The following TTLL4 variants were observed in gnomAD, a reference collection of about 807,000 sequenced individuals.
TTLL4 encodes tubulin monoglutamylase TTLL4.
Under a neutral mutation model 122.7 loss-of-function variants are expected in TTLL4, and 85 were observed. The observed-to-expected ratio is 0.69, with a 90% CI of 0.58 to 0.83. TTLL4 has a LOEUF of 0.83. Among genes scored for constraint, TTLL4 ranks in the 40% least tolerant of loss-of-function variants. The probability of loss-of-function intolerance (pLI) is 0.00; values close to 1 mark genes in which losing one functional copy is unlikely to be tolerated. For missense variants in TTLL4, 1,363 were observed against 1,488.6 expected (o/e 0.92, Z 1.39); for synonymous variants, 553 against 563.0 (o/e 0.98, Z 0.25).
Position 218,746,129 on chromosome 2 carries a change from GC to G in TTLL4, c.1898-25del, listed in dbSNP as rs1942835740. 4 of 1,613,982 alleles carry G rather than the reference GC, an allele frequency of 2.5e-6. No homozygotes were observed. The East Asian group carries it at 8.9e-5, about 36-fold the overall frequency. On this transcript the variant is annotated intron_variant, in intron 7 of 19. Transcript: ENST00000392102. ...GTCCCTGGACTGAGCTGTTAGCAAG[GC>G]TGATTCCTGATGTACCTCCCATAGG... is the stretch of plus-strand genomic sequence containing the variant.
rs775980975 is a variant in TTLL4 at position 218,753,577 on chromosome 2, C to G, written c.3259-7C>G. ...CCTTTTGGTCTCATTGCTTCCTTTG[C>G]TCTTAGTGGTCTCTCCCGACATCAC... On this transcript the variant is annotated splice_region_variant and splice_polypyrimidine_tract_variant and intron_variant, in intron 18 of 19. Transcript: ENST00000392102. 1.4e-5 allele frequency: 22 copies of G among 1,613,922 alleles called. No homozygotes were observed. Among genetic ancestry groups the G allele is most frequent in the South Asian group, 2.2e-5 (2 of 91,090 alleles).
intron 16 of TTLL4, among the ~76,000 whole-genome samples, chr2:218,752,131 C>G (rs1220611697): frequency 6.6e-6 from 1 of 152,116 alleles, no homozygotes; most frequent in African/African-American, 2.4e-5. Context: ...TGGTCTCAAC[C>G]TCCCAACCTC....
intron 2 of TTLL4, among the ~76,000 whole-genome samples, chr2:218,731,135 G>A (rs1389002620): frequency 2.0e-5 from 3 of 151,860 alleles, no homozygotes; most frequent in African/African-American, 7.3e-5. Flanking sequence ...AATTGGCTGG[G>A]CACGGTGGCT....
At chr2:218,726,622 C>A (rs1201966932) in intron 1 of TTLL4, among the ~76,000 whole-genome samples, 1 of 151,816 alleles carries the variant, frequency 6.6e-6, no homozygotes, top group South Asian at 2.1e-4. Flanking sequence ...TGTGCCACCA[C>A]ATCCAGCTAA....
intron 2 of TTLL4, among the ~76,000 whole-genome samples, chr2:218,735,834 G>A (rs1443753042): frequency 6.6e-6 from 1 of 151,954 alleles, no homozygotes; most frequent in Non-Finnish European, 1.5e-5. Context: ...CTCCGTGCAT[G>A]GCTAATTTTT....
At chr2:218,723,599 G>C (rs1180760002) in intron 1 of TTLL4, among the ~76,000 whole-genome samples, 1 of 152,170 alleles carries the variant, frequency 6.6e-6, no homozygotes, top group East Asian at 1.9e-4. Context: ...GGAAATTGCA[G>C]AAGTGATGAT....
At chr2:218,722,045 G>T (rs1386855679) in intron 1 of TTLL4, among the ~76,000 whole-genome samples, 1 of 152,162 alleles carries the variant, frequency 6.6e-6, no homozygotes, top group Non-Finnish European at 1.5e-5. Flanking sequence ...ACTTTGGGAA[G>T]CTGAGGTGGG....
At chr2:218,728,481 G>A (rs536885171) in intron 2 of TTLL4, among the ~76,000 whole-genome samples, 2 of 152,318 alleles carry the variant, frequency 1.3e-5, no homozygotes, top group Admixed American at 6.5e-5. Context: ...GATCTCAGGT[G>A]GTAATGCTTA....
intron 1 of TTLL4, among the ~76,000 whole-genome samples, chr2:218,725,251 G>A (rs758184406): frequency 2.5e-4 from 38 of 152,120 alleles, no homozygotes; most frequent in Admixed American, 9.8e-4. Context: ...ACAGAATCTT[G>A]CTGTGTCCCC....
At chr2:218,728,151 G>A (rs997204394) in intron 2 of TTLL4, 5 of 139,110 alleles carry the variant, frequency 3.6e-5, no homozygotes, top group African/African-American at 1.3e-4. Context: ...TCCACTGACT[G>A]GGGTGGGTGG....
chr2:218,751,633 C>T (rs1943016097), intron 15 of TTLL4, 71 bp from the exon 16 acceptor site: 1 of 1,568,616 alleles, frequency 6.4e-7, no homozygotes, highest in Non-Finnish European at 8.6e-7. Context: ...TGGGCTGGAC[C>T]TCCTCCATAT....
chr2:218,744,239 CT>C (rs1365880626), intron 5 of TTLL4, among the ~76,000 whole-genome samples: 1 of 152,240 alleles, frequency 6.6e-6, no homozygotes, highest in Non-Finnish European at 1.5e-5. Flanking sequence ...GGTAAAGTGA[CT>C]TTTTTAAACT....
At chr2:218,756,595 C>G (rs1654971268), downstream of TTLL4, among the ~76,000 whole-genome samples, 1 of 152,122 alleles carries the variant, frequency 6.6e-6, no homozygotes, top group Non-Finnish European at 1.5e-5. Context: ...GGCATATATA[C>G]TTTTGTATTG....
At chr2:218,719,182 C>T (rs75001911) in intron 1 of TTLL4, among the ~76,000 whole-genome samples, 6,051 of 152,086 alleles carry the variant, frequency 0.04, 379 homozygotes, top group African/African-American at 0.14. Flanking sequence ...GGCAATATTG[C>T]TAATAGGAGG....
At chr2:218,746,378 G>A in intron 8 of TTLL4, 147 bp downstream of exon 8, 1 of 774,832 alleles carries the variant, frequency 1.3e-6, no homozygotes, top group Non-Finnish European at 2.1e-6. Flanking sequence ...GTACAGGACG[G>A]GGGTACAGTG....
chr2:218,726,152 C>G (rs75242643), intron 1 of TTLL4, among the ~76,000 whole-genome samples: 7,479 of 151,952 alleles, frequency 0.049, 536 homozygotes, highest in African/African-American at 0.16. Context: ...AAGACTATCT[C>G]TCATATTTGA....
rs1942889372 is a variant in TTLL4, at chr2:218,747,783, G to T, written c.2378+58G>T. On this transcript the variant is annotated intron_variant, in intron 11 of 19. Coordinates refer to ENST00000392102, the MANE Select transcript of TTLL4 (RefSeq NM_014640.5). This position sits in a 1 kb window ranked among gnomAD's most constrained non-coding sequence, Gnocchi z 4.7. ...TATTGGGGATTTTATTTTCCTTGGA[G>T]GGAGGGAAACTAGAAGACACCAAAC... 3.1e-6 allele frequency: 5 copies of T among 1,603,836 alleles called. No homozygotes were observed. The Admixed American group carries it at 8.5e-5, about 27-fold the overall frequency.
intron 1 of TTLL4, among the ~76,000 whole-genome samples, chr2:218,715,838 G>C (rs953458811): frequency 2.6e-5 from 4 of 152,056 alleles, no homozygotes; most frequent in Non-Finnish European, 5.9e-5. Context: ...CACCATGTTA[G>C]CCAGGATGGT....
In TTLL4 at chr2:218,754,491, C is replaced by A; in HGVS notation, c.*102C>A. 6.9e-7 allele frequency: 1 copy of A among 1,454,412 alleles called. No individual in the cohort carries two copies. The highest frequency in any genetic ancestry group is 9.3e-7 in the Non-Finnish European group (1 of 1,073,248). The allele number at this position is 1,454,412 out of a possible 1,614,324, so 90.1% of individuals were successfully genotyped here. A position where few individuals can be genotyped will look rare whatever the true frequency, so the allele number is the denominator to read the frequency against. On this transcript the variant is annotated 3_prime_UTR_variant, in exon 20 of 20. Transcript: ENST00000392102. ...CAGTCTGACCCCCTACCCCTTTCAC[C>A]CTGTCCCTCCTCAGAGTATTTTTTG...
Sources: allele counts gnomAD v4.1 joint callset (sites outside exome capture counted in the v4.1 genomes callset), GRCh38; gene constraint gnomAD v4.1.1; non-coding constraint Gnocchi (gnomAD v3.1); transcripts MANE v1.5; gene names NCBI Gene and HGNC (gene_info 2026-07-23, HGNC 2026-07-21).